The following CD59 variants were observed in gnomAD, a reference collection of about 807,000 sequenced individuals.
CD59 encodes CD59 glycoprotein.
Under a neutral mutation model 7.0 loss-of-function variants are expected in CD59, and 3 were observed. The ratio of observed to expected loss-of-function variants is 0.43; its 90% CI spans 0.19 to 1.10. The LOEUF is 1.10. CD59 is among the 50% of genes least tolerant of loss of function. CD59 has a pLI of 0.29. For missense variants in CD59, 143 were observed against 151.0 expected (o/e 0.95, Z 0.28); for synonymous variants, 60 against 62.0 (o/e 0.97, Z 0.15).
rs1410360072 is a variant in CD59 at position 33,707,561 on chromosome 11, A to G, written c.*2565T>C. ...TTATCACCACCCAATACTGAACACT[A>G]TGACAGTTCCTGTAAATCCAGATGA... On this transcript the variant is annotated 3_prime_UTR_variant, in exon 4 of 4. Transcript: ENST00000642928. 1 of 152,280 alleles carries G rather than the reference A, an allele frequency of 6.6e-6. No homozygotes were observed. Among genetic ancestry groups the G allele is most frequent in the Non-Finnish European group, 1.5e-5 (1 of 68,066 alleles). 9.4% of individuals were successfully genotyped at this position (152,280 alleles called of 1,614,324 possible).
At chr11:33,733,331 A>G (rs1395135325) in intron 1 of CD59, among the ~76,000 whole-genome samples, 1 of 152,210 alleles carries the variant, frequency 6.6e-6, no homozygotes, top group African/African-American at 2.4e-5. Flanking sequence ...GAAAATTATT[A>G]TAAGGCCGAG....
intron 1 of CD59, among the ~76,000 whole-genome samples, chr11:33,723,293 T>C (rs1247255790): frequency 6.6e-6 from 1 of 151,986 alleles, no homozygotes; most frequent in East Asian, 1.9e-4. Context: ...GACAGATGGG[T>C]TCTTGGAAGG....
chr11:33,734,320 A>G (rs1314325204), intron 1 of CD59, among the ~76,000 whole-genome samples: 2 of 152,246 alleles, frequency 1.3e-5, no homozygotes, highest in Non-Finnish European at 2.9e-5. Flanking sequence ...TTTGTGTGAT[A>G]TACATATAAA....
intron 1 of CD59, among the ~76,000 whole-genome samples, chr11:33,723,966 T>G (rs543261254): frequency 6.6e-6 from 1 of 152,108 alleles, no homozygotes; most frequent in South Asian, 2.1e-4. Flanking sequence ...AAAATTAGAC[T>G]GGTGTGGTGG....
At chr11:33,728,514 GTTAAC>G (rs1854323211) in intron 1 of CD59, among the ~76,000 whole-genome samples, 1 of 151,530 alleles carries the variant, frequency 6.6e-6, no homozygotes, top group Non-Finnish European at 1.5e-5. Context: ...TTACACAAAA[GTTAAC>G]TTAAGATGGA....
intron 1 of CD59, among the ~76,000 whole-genome samples, chr11:33,730,756 T>C (rs1854393114): frequency 1.3e-5 from 2 of 152,176 alleles, no homozygotes; most frequent in African/African-American, 4.8e-5. Context: ...AGTGTAAAAC[T>C]TGAATGACAC....
At chr11:33,716,705 G>T (rs987342005) in intron 3 of CD59, among the ~76,000 whole-genome samples, 1 of 152,130 alleles carries the variant, frequency 6.6e-6, no homozygotes, top group Non-Finnish European at 1.5e-5. Flanking sequence ...GACTGGACAG[G>T]ACTTGTGCAT....
At chr11:33,716,649 G>A (rs1417647108) in intron 3 of CD59, among the ~76,000 whole-genome samples, 1 of 152,178 alleles carries the variant, frequency 6.6e-6, no homozygotes, top group Non-Finnish European at 1.5e-5. Flanking sequence ...TTTTAACAGG[G>A]TGATGGAGGT....
chr11:33,725,819 G>T (rs982113880), intron 1 of CD59, among the ~76,000 whole-genome samples: 4 of 152,014 alleles, frequency 2.6e-5, no homozygotes, highest in African/African-American at 9.7e-5. Flanking sequence ...GGCGTGGAAG[G>T]CTACTCACAA....
chr11:33,732,091 C>T (rs115443757), intron 1 of CD59, among the ~76,000 whole-genome samples: 1,666 of 152,282 alleles, frequency 0.011, 37 homozygotes, highest in African/African-American at 0.037. Context: ...TGCCTTTCAC[C>T]CTCTGCCATG....
At position 33,705,332 on chromosome 11, in the gene CD59, T is replaced by C. The variant is rs572504355; in HGVS notation, c.*4794A>G. The C allele has an allele frequency of 2.6e-5, 4 of 152,346 alleles. No homozygotes were observed. The highest frequency in any genetic ancestry group is 2.1e-4 in the South Asian group (1 of 4,826). The allele number at this position is 152,346 out of a possible 1,614,324, so 9.4% of individuals were successfully genotyped here. ...GAGGGCTTTGAGACAGCTCATGTAA[T>C]GGAAAGCTCTTAAGAACTAGGTTTA... On this transcript the variant is annotated 3_prime_UTR_variant, in exon 4 of 4. Coordinates refer to ENST00000642928, the MANE Select transcript of CD59 (RefSeq NM_000611.6).
At chr11:33,723,900 C>T (rs769138073) in intron 1 of CD59, among the ~76,000 whole-genome samples, 4 of 152,028 alleles carry the variant, frequency 2.6e-5, no homozygotes, top group East Asian at 3.8e-4. Flanking sequence ...ATAGCATGAT[C>T]GGAGCCTGGG....
At chr11:33,728,982 G>A (rs918563084) in intron 1 of CD59, among the ~76,000 whole-genome samples, 1 of 152,196 alleles carries the variant, frequency 6.6e-6, no homozygotes, top group Non-Finnish European at 1.5e-5. Context: ...TCTCACACCA[G>A]TTAGAATGGC....
intron 2 of CD59, among the ~76,000 whole-genome samples, chr11:33,720,834 G>A (rs977634046): frequency 1.3e-5 from 2 of 152,240 alleles, no homozygotes; most frequent in Admixed American, 1.3e-4. Context: ...GGCCATAAGA[G>A]GCAGAGCTCA....
rs1564968958 is a variant in CD59, at chr11:33,710,224, T to C, written c.289A>G (p.Asn97Asp). The change falls in exon 4 of 4, where the codon AAC becomes GAC. Residue 97 changes from asparagine (N) to aspartate (D), a missense_variant. By Grantham distance (23) the Asn-to-Asp change is conservative. Coordinates refer to ENST00000642928, the MANE Select transcript of CD59 (RefSeq NM_000611.6). ...GTCCCACCATTTTCAAGCTGTTCGT[T>C]AAAGTTACACAGGTCCTTCTTGCAG... ...YCCKKDLCNF[N>D]EQLENGGTSL... is the part of the protein sequence containing the mutation. 2 of 1,614,166 alleles carry C rather than the reference T, an allele frequency of 1.2e-6. No individual in the cohort carries two copies. Among genetic ancestry groups the C allele is most frequent in the Non-Finnish European group, 1.7e-6 (2 of 1,180,002 alleles).
intron 1 of CD59, among the ~76,000 whole-genome samples, chr11:33,732,385 T>C: frequency 6.6e-6 from 1 of 150,792 alleles, no homozygotes; most frequent in East Asian, 2.0e-4. Context: ...ACTTCCCCCT[T>C]TGCTGTCTTC....
At chr11:33,733,852 A>G (rs1854487626) in intron 1 of CD59, among the ~76,000 whole-genome samples, 1 of 152,206 alleles carries the variant, frequency 6.6e-6, no homozygotes, top group Admixed American at 6.5e-5. Flanking sequence ...GTTGCCCATG[A>G]GTATGGTTAC....
intron 1 of CD59, among the ~76,000 whole-genome samples, chr11:33,735,929 T>C (rs1373219873): frequency 6.9e-6 from 1 of 145,418 alleles, no homozygotes; most frequent in Non-Finnish European, 1.5e-5. Context: ...AAAAAAAAAG[T>C]CCGTTTCGCC....
At chr11:33,716,729 A>C (rs778707357) in intron 3 of CD59, among the ~76,000 whole-genome samples, 34 of 152,172 alleles carry the variant, frequency 2.2e-4, no homozygotes, top group Non-Finnish European at 3.7e-4. Flanking sequence ...AGCATTGCCC[A>C]TCCCCAAATT....
Sources: allele counts gnomAD v4.1 joint callset (sites outside exome capture counted in the v4.1 genomes callset), GRCh38; gene constraint gnomAD v4.1.1; transcripts MANE v1.5; gene names NCBI Gene and HGNC (gene_info 2026-07-23, HGNC 2026-07-21).